Variants in ERC1 observed in about 807,000 individuals in gnomAD.
ERC1 encodes ELKS/RAB6-interacting/CAST family member 1, also known as RAB6 interacting protein 2.
In ERC1, 56 loss-of-function variants were observed where a neutral mutation model predicts 132.0. The ratio of observed to expected loss-of-function variants is 0.42; its 90% CI spans 0.34 to 0.53. The LOEUF (loss-of-function observed/expected upper bound fraction) is 0.53. ERC1 is among the 20% of genes least tolerant of loss of function. The pLI is 0.03. For synonymous variants in ERC1, 478 were observed against 476.1 expected (o/e 1.00, Z -0.05); for missense variants, 1,202 against 1,349.9 (o/e 0.89, Z 1.72).
chr12:1,403,979 C>A (rs1489524825), intron 16 of ERC1, among the ~76,000 whole-genome samples: 1 of 152,150 alleles, frequency 6.6e-6, no homozygotes, highest in African/African-American at 2.4e-5. Flanking sequence ...CTGAGAGCTG[C>A]TTTGCAGAAG....
chr12:1,110,556 T>A (rs1445892096), intron 5 of ERC1, among the ~76,000 whole-genome samples: 1 of 152,232 alleles, frequency 6.6e-6, no homozygotes, highest in Non-Finnish European at 1.5e-5. Flanking sequence ...TTTTTACTTA[T>A]AAAGACAATT....
At chr12:1,401,097 G>T (rs576322891) in intron 16 of ERC1, among the ~76,000 whole-genome samples, 1 of 151,236 alleles carries the variant, frequency 6.6e-6, no homozygotes, top group African/African-American at 2.4e-5. Context: ...CGCTGCGCCC[G>T]GCTAATTTTT....
intron 1 of ERC1, among the ~76,000 whole-genome samples, chr12:1,014,295 C>T (rs1012898868): frequency 1.3e-5 from 2 of 152,180 alleles, no homozygotes; most frequent in South Asian, 4.2e-4. Flanking sequence ...TATGACTCAG[C>T]CTCCTGAGTA....
chr12:1,154,343 A>G (rs1018332324), intron 8 of ERC1, among the ~76,000 whole-genome samples: 7 of 90,862 alleles, frequency 7.7e-5, no homozygotes, highest in Middle Eastern at 4.1e-3. Flanking sequence ...ACACATACCC[A>G]TGTGTGTTTA....
chr12:1,231,297 C>T (rs2154300009), intron 12 of ERC1, among the ~76,000 whole-genome samples: 1 of 152,188 alleles, frequency 6.6e-6, no homozygotes, highest in Middle Eastern at 3.4e-3. Flanking sequence ...TACAAAAATT[C>T]TGCAATTTTA....
intron 1 of ERC1, among the ~76,000 whole-genome samples, chr12:1,015,142 C>T (rs1451892587): frequency 6.6e-6 from 1 of 151,456 alleles, no homozygotes; most frequent in Non-Finnish European, 1.5e-5. Flanking sequence ...GATCTTGGCT[C>T]ACTGCAACCT....
chr12:1,244,771 G>A (rs182891467), intron 13 of ERC1: 55 of 280,784 alleles, frequency 2.0e-4, no homozygotes, highest in Middle Eastern at 2.8e-3. Context: ...TGCCTGCCTC[G>A]GCCTCTACAA....
chr12:1,377,297 G>A (rs140792122), intron 16 of ERC1, among the ~76,000 whole-genome samples: 25 of 152,254 alleles, frequency 1.6e-4, no homozygotes, highest in Non-Finnish European at 2.8e-4. Flanking sequence ...TTGTTTCATC[G>A]GTAAAGCTGA....
At chr12:992,069 AAGAAGAGGGAGATCTTCGG>A (rs1192324900) in intron 1 of ERC1, among the ~76,000 whole-genome samples, 1 of 152,152 alleles carries the variant, frequency 6.6e-6, no homozygotes, top group Non-Finnish European at 1.5e-5. Context: ...TTTTACACCG[AAGAAGAGGGAGATCTTCGG>A]TTTAGACAAC....
intron 12 of ERC1, among the ~76,000 whole-genome samples, chr12:1,207,993 G>A (rs757240462): frequency 1.3e-5 from 2 of 152,022 alleles, no homozygotes; most frequent in East Asian, 1.9e-4. Flanking sequence ...TCAGTAAAAC[G>A]ACAGAAACAC....
At chr12:1,308,132 C>T (rs2081017648) in intron 15 of ERC1, among the ~76,000 whole-genome samples, 1 of 152,046 alleles carries the variant, frequency 6.6e-6, no homozygotes, top group Non-Finnish European at 1.5e-5. Flanking sequence ...GGGATAGAGG[C>T]GAGAGGAGAA....
chr12:1,287,451 G>T (rs553527438), intron 14 of ERC1, among the ~76,000 whole-genome samples: 1 of 152,274 alleles, frequency 6.6e-6, no homozygotes, highest in East Asian at 1.9e-4. Context: ...GAGGGTATTT[G>T]GGGATGAGAC....
intron 12 of ERC1, among the ~76,000 whole-genome samples, chr12:1,224,669 T>TA (rs1187398330): frequency 7.3e-5 from 11 of 151,532 alleles, no homozygotes; most frequent in Admixed American, 5.9e-4. Flanking sequence ...TTAGAAACTG[T>TA]AAAAAAATGA....
intron 18 of ERC1, among the ~76,000 whole-genome samples, chr12:1,470,121 A>T (rs867549403): frequency 2.3e-5 from 3 of 132,248 alleles, no homozygotes; most frequent in African/African-American, 1.0e-4. Context: ...GATTTATACT[A>T]AAAAAAAAAA....
rs2077243534 is a variant in ERC1 at position 1,263,066 on chromosome 12, A to G, written c.2520A>G (p.Glu840=). Residue 840 remains glutamate (E), a synonymous_variant, in exon 14 of 19, where the codon GAA becomes GAG. Transcript: ENST00000360905. The stretch of plus-strand genomic sequence containing the variant: ...TCCGTAAGAAGGATGACAGGATTGA[A>G]GAGCTGGAAGAAGCACTAAGAGAAA... The part of the protein sequence containing the change: ...DSLRKKDDRI[E]ELEEALRESV... 4 of 1,614,000 alleles carry G rather than the reference A, an allele frequency of 2.5e-6. No homozygotes were observed. Among genetic ancestry groups the G allele is most frequent in the Non-Finnish European group, 3.4e-6 (4 of 1,179,986 alleles).
intron 1 of ERC1, among the ~76,000 whole-genome samples, chr12:1,020,237 G>A (rs1263344970): frequency 3.9e-5 from 6 of 152,082 alleles, no homozygotes; most frequent in Admixed American, 1.3e-4. Context: ...CAGATGGATC[G>A]CCTGATATCA....
chr12:1,179,688 T>C (rs1195929102), intron 8 of ERC1, among the ~76,000 whole-genome samples: 2 of 151,936 alleles, frequency 1.3e-5, no homozygotes, highest in African/African-American at 4.8e-5. Context: ...TTTGTATTTT[T>C]AGTAGAGACG....
At chr12:1,096,485 G>A (rs183638109) in intron 3 of ERC1, among the ~76,000 whole-genome samples, 83 of 152,194 alleles carry the variant, frequency 5.5e-4, no homozygotes, top group East Asian at 1.7e-3. Context: ...TTTAAAGTTC[G>A]ACACTCATTT....
intron 7 of ERC1, among the ~76,000 whole-genome samples, chr12:1,119,578 T>G (rs1407799384): frequency 2.8e-5 from 4 of 144,824 alleles, no homozygotes; most frequent in Non-Finnish European, 1.5e-5. Flanking sequence ...TGAGATGGAG[T>G]TTTGCTCTTG....
Sources: gnomAD v4.1 joint callset for allele counts (sites outside exome capture counted in the v4.1 genomes callset) on GRCh38, gnomAD v4.1.1 for gene constraint, MANE v1.5 for transcripts, NCBI Gene and HGNC (gene_info 2026-07-23, HGNC 2026-07-21) for gene names.